PLSCR2: variants seen among roughly 807,000 people sequenced by gnomAD.
PLSCR2 encodes the protein PL scramblase 2.
Under a neutral mutation model 25.3 loss-of-function variants are expected in PLSCR2, and 18 were observed. That is an observed-to-expected ratio of 0.71 (90% confidence interval 0.49 to 1.06). The LOEUF (loss-of-function observed/expected upper bound fraction) is 1.06, where lower values mean the gene tolerates loss of function less well. PLSCR2 is among the 50% of genes least tolerant of loss of function. The probability of loss-of-function intolerance (pLI) is 0.00; values close to 1 mark genes in which losing one functional copy is unlikely to be tolerated. For missense variants in PLSCR2, 243 were observed against 269.5 expected, an observed-to-expected ratio of 0.90 and a Z score of 0.69; for synonymous variants, 88 against 87.3, an observed-to-expected ratio of 1.01 and a Z score of -0.04.
At chr3:146,423,139 C>T (rs2039206449) in intron 2 of PLSCR2, among the ~76,000 whole-genome samples, 1 of 151,910 alleles carries the variant, frequency 6.6e-6, no homozygotes, top group African/African-American at 2.4e-5. Flanking sequence ...ATTGGCTAGA[C>T]TCCCACTACA....
At chr3:146,409,180 C>T (rs892128472) in intron 2 of PLSCR2, among the ~76,000 whole-genome samples, 1 of 151,930 alleles carries the variant, frequency 6.6e-6, no homozygotes, top group African/African-American at 2.4e-5. Flanking sequence ...GGGGGCTGAG[C>T]GCTCGTCACC....
chr3:146,443,446 T>C (rs987655134), intron 6 of PLSCR2, among the ~76,000 whole-genome samples: 1 of 152,042 alleles, frequency 6.6e-6, no homozygotes, highest in Admixed American at 6.6e-5. Flanking sequence ...TTATTACTTA[T>C]TGACTGTTCA....
upstream of PLSCR2, among the ~76,000 whole-genome samples, chr3:146,462,379 G>A (rs1469609781): frequency 6.6e-6 from 1 of 151,826 alleles, no homozygotes. Context: ...GGCATAAACC[G>A]CTGCATGTGG....
At chr3:146,475,752 CT>C (rs2042264323) in intron 1 of PLSCR2, among the ~76,000 whole-genome samples, 1 of 152,136 alleles carries the variant, frequency 6.6e-6, no homozygotes, top group African/African-American at 2.4e-5. Context: ...TTTGGGGACA[CT>C]ATTTCAAAGA....
At position 146,435,399 on chromosome 3, in the gene PLSCR2, C is replaced by G. The variant is rs1417756720; in HGVS notation, c.*35-1882G>C. 2.6e-5 allele frequency among the ~76,000 whole-genome samples: 4 copies of G among 152,258 alleles called. No homozygotes were observed. In the East Asian group the frequency reaches 5.8e-4, roughly 22 times the overall value. ...TTACAGTCCCACCAACAGTGTAAAA[C>G]TGTTCCTATTTCTCTACATCCTCTC... On this transcript the variant is annotated intron_variant, in intron 8 of 8. Coordinates refer to the PLSCR2 transcript ENST00000336685.
chr3:146,489,722 T>C (rs1393679913), intron 1 of PLSCR2, among the ~76,000 whole-genome samples: 1 of 152,134 alleles, frequency 6.6e-6, no homozygotes, highest in Non-Finnish European at 1.5e-5. Context: ...CTTCTAATCT[T>C]CTGACCTTGT....
downstream of PLSCR2, among the ~76,000 whole-genome samples, chr3:146,431,706 A>T (rs2039551702): frequency 6.6e-6 from 1 of 152,184 alleles, no homozygotes; most frequent in South Asian, 2.1e-4. Context: ...AAAGTAGCCT[A>T]CATCTTGAAC....
rs144335193 is a variant in PLSCR2, at chr3:146,479,190, G to T, written c.-293+16705C>A. On this transcript the variant is annotated intron_variant, in intron 1 of 8. Transcript: ENST00000336685. Reference sequence around the variant, plus strand: ...TAGGAAGAAACTGCATCAATTAACGGGCAAAATAACCAGCTAACATTATCA... The same window carrying T: ...TAGGAAGAAACTGCATCAATTAACGTGCAAAATAACCAGCTAACATTATCA... Among the ~76,000 whole-genome samples, 46 of 152,058 alleles carry T rather than the reference G, an allele frequency of 3.0e-4. No individual in the cohort carries two copies. The East Asian group carries it at 8.9e-3, about 29-fold the overall frequency.
At chr3:146,402,591 C>T (rs1406170610) in intron 2 of PLSCR2, among the ~76,000 whole-genome samples, 1 of 152,054 alleles carries the variant, frequency 6.6e-6, no homozygotes, top group Non-Finnish European at 1.5e-5. Context: ...CCTCAGCCTC[C>T]CGAGTAGCCA....
intron 6 of PLSCR2, among the ~76,000 whole-genome samples, chr3:146,445,752 C>G (rs2040514939): frequency 6.6e-6 from 1 of 152,158 alleles, no homozygotes; most frequent in African/African-American, 2.4e-5. Flanking sequence ...GTCTCTTTCT[C>G]TACCTCCTCT....
exon 3 of PLSCR2, chr3:146,395,784 C>CA (rs1465276170): frequency 8.2e-6 from 1 of 121,720 alleles, no homozygotes; most frequent in African/African-American, 3.0e-5. Context: ...CTCCAAGCAT[C>CA]AATGCTTTAA....
At chr3:146,478,536 T>G (rs1270515921) in intron 1 of PLSCR2, among the ~76,000 whole-genome samples, 1 of 152,028 alleles carries the variant, frequency 6.6e-6, no homozygotes, top group Non-Finnish European at 1.5e-5. Context: ...GAATACAATT[T>G]TAGAGAAAAA....
At chr3:146,444,103 T>G (rs556396102) in intron 6 of PLSCR2, among the ~76,000 whole-genome samples, 6 of 152,166 alleles carry the variant, frequency 3.9e-5, no homozygotes, top group African/African-American at 1.4e-4. Context: ...TCTAGTTTTA[T>G]TCCATTGTGG....
chr3:146,436,211 C>T (rs1042369968), intron 8 of PLSCR2, among the ~76,000 whole-genome samples: 7 of 152,176 alleles, frequency 4.6e-5, no homozygotes, highest in South Asian at 4.1e-4. Flanking sequence ...TAGCATGATA[C>T]CTCCAGCTTT....
chr3:146,437,467 T>C (rs2108192455), downstream of PLSCR2, among the ~76,000 whole-genome samples: 1 of 152,352 alleles, frequency 6.6e-6, no homozygotes, highest in Admixed American at 6.5e-5. Context: ...ATTGGTCTAT[T>C]CAGGGATTCA....
chr3:146,447,243 CTTTCCT>C (rs1056954751), intron 6 of PLSCR2, among the ~76,000 whole-genome samples: 4 of 152,200 alleles, frequency 2.6e-5, no homozygotes, highest in African/African-American at 9.7e-5. Flanking sequence ...CTTCCCTCTC[CTTTCCT>C]CAAGTAGGAG....
chr3:146,481,422 A>G (rs1262817768), intron 1 of PLSCR2, among the ~76,000 whole-genome samples: 1 of 152,212 alleles, frequency 6.6e-6, no homozygotes. Context: ...AATCACAAGC[A>G]TTCCTATACA....
intron 1 of PLSCR2, among the ~76,000 whole-genome samples, chr3:146,470,150 G>T (rs1406298331): frequency 6.6e-6 from 1 of 152,122 alleles, no homozygotes; most frequent in African/African-American, 2.4e-5. Context: ...ATGATGAGGC[G>T]TGTAGAATGT....
Position 146,404,821 on chromosome 3 carries a change from AG to A in PLSCR2, c.101-8901del, listed in dbSNP as rs1553768571. On this transcript the variant is annotated intron_variant and NMD_transcript_variant, in intron 2 of 3. Coordinates refer to the PLSCR2 transcript ENST00000463633. ...AGGAAGAAATAGGCAAAAAAAAAAAAGGGGGGGGGTGGTGGTTAACTGGTCC... is the reference window on the plus strand; with the variant it reads ...AGGAAGAAATAGGCAAAAAAAAAAAAGGGGGGGGTGGTGGTTAACTGGTCC... Among the ~76,000 whole-genome samples the A allele has an allele frequency of 5.3e-3, 662 of 124,740 alleles. 12 individuals are homozygous for A. Among genetic ancestry groups the A allele is most frequent in the Non-Finnish European group, 5.2e-3 (311 of 59,486 alleles). 81.8% of individuals were successfully genotyped at this position (124,740 alleles called of 152,430 possible).
Sources: allele counts gnomAD v4.1 joint callset (sites outside exome capture counted in the v4.1 genomes callset), GRCh38; gene constraint gnomAD v4.1.1; transcripts MANE v1.5; gene names NCBI Gene and HGNC (gene_info 2026-07-23, HGNC 2026-07-21).